The following PARP4 variants were observed in gnomAD, a reference collection of about 807,000 sequenced individuals.
PARP4 encodes poly(ADP-ribose) polymerase family member 4, also known as protein mono-ADP-ribosyltransferase PARP4.
Under a neutral mutation model 187.7 loss-of-function variants are expected in PARP4, and 120 were observed. That is an observed-to-expected ratio of 0.64 (90% CI 0.55 to 0.74). The LOEUF is 0.74. Among genes scored for constraint, PARP4 ranks in the 30% least tolerant of loss-of-function variants. PARP4 has a pLI of 0.00. For synonymous variants in PARP4, 654 were observed against 740.9 expected (o/e 0.88, Z 1.90); for missense variants, 1,836 against 2,070.5 (o/e 0.89, Z 2.20).
intron 7 of PARP4, 108 bp from the exon 8 acceptor site, chr13:24,493,841 C>T: frequency 9.5e-7 from 1 of 1,049,760 alleles, no homozygotes; most frequent in Non-Finnish European, 1.4e-6. Context: ...TTGATTAGAG[C>T]CCAGGAGAGT....
intron 15 of PARP4, among the ~76,000 whole-genome samples, chr13:24,474,928 C>T (rs967953837): frequency 1.3e-5 from 2 of 152,170 alleles, no homozygotes; most frequent in Non-Finnish European, 2.9e-5. Context: ...CCACTGCAGC[C>T]ACAGTGCATC....
At chr13:24,430,156 T>A (rs7331441) in intron 32 of PARP4, among the ~76,000 whole-genome samples, 129,806 of 141,364 alleles carry the variant, frequency 0.92, 59,564 homozygotes, top group East Asian at 0.98. Flanking sequence ...TATTCCAGGA[T>A]CAAGCACTCA....
chr13:24,460,724 C>T (rs1340369541), intron 17 of PARP4, among the ~76,000 whole-genome samples: 1 of 152,044 alleles, frequency 6.6e-6, no homozygotes, highest in African/African-American at 2.4e-5. Flanking sequence ...GATCTTGCTC[C>T]GTCATCCAGG....
chr13:24,483,373 C>G (rs1330684746), intron 12 of PARP4, among the ~76,000 whole-genome samples: 1 of 128,664 alleles, frequency 7.8e-6, no homozygotes, highest in African/African-American at 3.0e-5. Context: ...GTAATCCCAG[C>G]TACTCGGGAG....
intron 3 of PARP4, among the ~76,000 whole-genome samples, chr13:24,501,190 G>C (rs1023990357): frequency 6.6e-6 from 1 of 152,116 alleles, no homozygotes; most frequent in Non-Finnish European, 1.5e-5. Flanking sequence ...ATGTCCAAAG[G>C]CTTTCTTCTT....
chr13:24,444,833 T>C (rs1871129588), intron 27 of PARP4, among the ~76,000 whole-genome samples: 5 of 152,184 alleles, frequency 3.3e-5, no homozygotes, highest in Admixed American at 3.3e-4. Context: ...AAACAGCAGA[T>C]GCAAACAGGC....
Position 24,458,680 on chromosome 13 carries a change from C to T in PARP4, c.2424+364G>A, listed in dbSNP as rs7989589. ...ATGATAATCACTGACTATTGTGAAA[C>T]AGGTCTTTTGGAATGAAGGGGAGAG... On this transcript the variant is annotated intron_variant, in intron 20 of 33. Coordinates refer to ENST00000381989, the MANE Select transcript of PARP4 (RefSeq NM_006437.4). 9.2e-4 allele frequency among the ~76,000 whole-genome samples: 140 copies of T among 152,172 alleles called. 1 individual carries two copies. The highest frequency in any genetic ancestry group is 3.1e-3 in the African/African-American group (128 of 41,516).
chr13:24,475,869 C>G (rs59686377), intron 14 of PARP4, among the ~76,000 whole-genome samples: 1 of 151,720 alleles, frequency 6.6e-6, no homozygotes, highest in African/African-American at 2.4e-5. Flanking sequence ...ACAGTAGACC[C>G]CTCCTCTCTG....
At chr13:24,459,823 T>C in intron 18 of PARP4, 149 bp downstream of exon 18, 1 of 596,514 alleles carries the variant, frequency 1.7e-6, no homozygotes, top group South Asian at 2.5e-5. Context: ...ATACACATAA[T>C]GTATCTAAAT....
intron 6 of PARP4, 58 bp from the exon 7 acceptor site, chr13:24,494,780 G>T: frequency 1.6e-6 from 2 of 1,228,248 alleles, no homozygotes; most frequent in Non-Finnish European, 2.3e-6. Flanking sequence ...TAGCTTTATT[G>T]AACATAAATA....
intron 32 of PARP4, among the ~76,000 whole-genome samples, chr13:24,430,110 T>C (rs1328036615): frequency 6.6e-6 from 1 of 152,232 alleles, no homozygotes; most frequent in Admixed American, 6.5e-5. Flanking sequence ...ATAACTGTTA[T>C]TGGCAGGAGA....
In PARP4 at chr13:24,499,264, T is replaced by G. The variant is rs1362014959; in HGVS notation, c.477+37A>C. ...CAGAAGACATTCAAACAGGTGTGTT[T>G]TTTTTTTTTTTTGCTAACTAGAAAT... On this transcript the variant is annotated intron_variant, in intron 5 of 33. Coordinates refer to ENST00000381989, the MANE Select transcript of PARP4 (RefSeq NM_006437.4). 1.8e-5 allele frequency: 22 copies of G among 1,198,460 alleles called. No homozygotes were observed. The African/African-American group carries it at 3.0e-4, about 16-fold the overall frequency. 74.2% of individuals were successfully genotyped at this position (1,198,460 alleles called of 1,614,324 possible).
At chr13:24,484,991 C>A (rs1873479183) in intron 11 of PARP4, among the ~76,000 whole-genome samples, 1 of 152,142 alleles carries the variant, frequency 6.6e-6, no homozygotes, top group Admixed American at 6.5e-5. Flanking sequence ...GGGTTTTGGT[C>A]CTACTTAGAA....
chr13:24,465,791 T>C (rs780338530), intron 17 of PARP4, among the ~76,000 whole-genome samples: 1 of 151,288 alleles, frequency 6.6e-6, no homozygotes, highest in Non-Finnish European at 1.5e-5. Flanking sequence ...AAAAGATAGT[T>C]GAATATATAA....
intron 31 of PARP4, among the ~76,000 whole-genome samples, chr13:24,433,281 T>C (rs1363498735): frequency 6.6e-6 from 1 of 152,200 alleles, no homozygotes; most frequent in East Asian, 1.9e-4. Flanking sequence ...TGTTTCTTTG[T>C]TGGATTATCA....
rs148023057 is a variant in PARP4, at chr13:24,444,200, C to T, written c.3367-470G>A. Among the ~76,000 whole-genome samples, 1,046 of 152,324 alleles carry T rather than the reference C, an allele frequency of 6.9e-3. 9 individuals carry two copies. The highest frequency in any genetic ancestry group is 0.024 in the African/African-American group (984 of 41,548). ...TCCAACAACTGAGAGATGGAACTTC[C>T]CTTCATTCCAACTCTTGTAATTTGT... On this transcript the variant is annotated intron_variant, in intron 27 of 33. Transcript: ENST00000381989.
In PARP4 at chr13:24,457,754, G is replaced by C. The variant is rs1398256325; in HGVS notation, c.2425-1276C>G. ...CCACTGCACTCCAACCTGGGAAACA[G>C]AGTAAGACTCTGTCTCAAAAAAAAA... On this transcript the variant is annotated intron_variant, in intron 20 of 33. Coordinates refer to ENST00000381989, the MANE Select transcript of PARP4 (RefSeq NM_006437.4). 2.9e-4 allele frequency among the ~76,000 whole-genome samples: 31 copies of C among 107,004 alleles called. No homozygotes were observed. In the Admixed American group the frequency reaches 3.3e-3, roughly 12 times the overall value. 70.2% of individuals were successfully genotyped at this position (107,004 alleles called of 152,430 possible).
intron 22 of PARP4, among the ~76,000 whole-genome samples, 183 bp downstream of exon 22, chr13:24,454,834 T>A (rs1396203954): frequency 2.6e-5 from 4 of 152,148 alleles, no homozygotes; most frequent in Non-Finnish European, 5.9e-5. Flanking sequence ...ACACAGAACC[T>A]GTGAGTGGTA....
rs1188866427 is a variant in PARP4 at position 24,499,301 on chromosome 13, T to C, written c.477A>G (p.Lys159=). ...TGCTAACTAGAAATCAGATTCTTAC[T>C]TTCTCCAAGGTGTTATATTTTGCAA... ...FEVAKYNTLE[K]VGMEGGQEAV... is the part of the protein sequence containing the mutation. The change falls in exon 5 of 34, where the codon AAA becomes AAG. Residue 159 remains lysine (K), a splice_region_variant and synonymous_variant. Transcript: ENST00000381989. The C allele has an allele frequency of 6.6e-7, 1 of 1,526,496 alleles. No individual in the cohort carries two copies. The highest frequency in any genetic ancestry group is 8.8e-7 in the Non-Finnish European group (1 of 1,142,142). The allele number at this position is 1,526,496 out of a possible 1,614,324, so 94.6% of individuals were successfully genotyped here.
Sources: gnomAD v4.1 joint callset for allele counts (sites outside exome capture counted in the v4.1 genomes callset) on GRCh38, gnomAD v4.1.1 for gene constraint, MANE v1.5 for transcripts, NCBI Gene and HGNC (gene_info 2026-07-23, HGNC 2026-07-21) for gene names.